Variants in CEP128 observed in about 807,000 individuals in gnomAD.
The protein encoded by CEP128 is centrosomal protein 128kDa.
CEP128 carries 132 observed loss-of-function variants against 156.7 expected under a neutral mutation model. The ratio of observed to expected loss-of-function variants is 0.84; its 90% CI spans 0.73 to 0.97. The LOEUF (loss-of-function observed/expected upper bound fraction) is 0.97. CEP128 is among the 50% of genes least tolerant of loss of function. CEP128 has a pLI of 0.00. For synonymous variants in CEP128, 469 were observed against 448.9 expected (o/e 1.04, Z -0.57); for missense variants, 1,252 against 1,281.9 (o/e 0.98, Z 0.36).
At chr14:80,795,377 G>C (rs1363709711) in intron 13 of CEP128, among the ~76,000 whole-genome samples, 1 of 152,144 alleles carries the variant, frequency 6.6e-6, no homozygotes, top group Non-Finnish European at 1.5e-5. Flanking sequence ...CCACTCCCTT[G>C]AGATTTCTTT....
chr14:80,599,916 C>G (rs1892510345), intron 19 of CEP128, among the ~76,000 whole-genome samples: 1 of 152,096 alleles, frequency 6.6e-6, no homozygotes, highest in Admixed American at 6.5e-5. Context: ...GGCTCAGTAG[C>G]AGATTTGAGC....
intron 20 of CEP128, among the ~76,000 whole-genome samples, chr14:80,577,088 A>T (rs964911615): frequency 6.6e-6 from 1 of 152,118 alleles, no homozygotes; most frequent in Non-Finnish European, 1.5e-5. Flanking sequence ...TAAACTTCAT[A>T]ACACTATATG....
chr14:80,947,510 TA>T (rs1307926961), intron 2 of CEP128, among the ~76,000 whole-genome samples: 1 of 152,150 alleles, frequency 6.6e-6, no homozygotes, highest in Non-Finnish European at 1.5e-5. Flanking sequence ...CAAAATTTAT[TA>T]AGATGTCAAA....
intron 16 of CEP128, among the ~76,000 whole-genome samples, chr14:80,773,617 A>C (rs1900633313): frequency 6.6e-6 from 1 of 152,190 alleles, no homozygotes. Context: ...GTGCAGATCC[A>C]TATAGATCAG....
intron 13 of CEP128, among the ~76,000 whole-genome samples, chr14:80,802,029 A>G (rs1007022132): frequency 1.3e-5 from 2 of 151,852 alleles, no homozygotes; most frequent in African/African-American, 2.4e-5. Context: ...TTAAAAAGTC[A>G]GGAAATAATA....
intron 19 of CEP128, among the ~76,000 whole-genome samples, chr14:80,638,278 C>T (rs950020938): frequency 3.3e-5 from 5 of 152,138 alleles, no homozygotes; most frequent in South Asian, 2.1e-4. Flanking sequence ...CTTTAGGCCA[C>T]GTAAAACTCT....
At chr14:80,554,898 T>G (rs1163490346) in intron 21 of CEP128, among the ~76,000 whole-genome samples, 1 of 152,108 alleles carries the variant, frequency 6.6e-6, no homozygotes, top group Non-Finnish European at 1.5e-5. Flanking sequence ...AGCTCATTAA[T>G]TTTTATCCCT....
At chr14:80,782,038 T>C (rs1901150244) in intron 15 of CEP128, among the ~76,000 whole-genome samples, 1 of 152,158 alleles carries the variant, frequency 6.6e-6, no homozygotes. Context: ...GCCATGCCAG[T>C]TTCTCCTAAC....
chr14:80,514,288 G>T (rs544615127), intron 23 of CEP128, among the ~76,000 whole-genome samples: 1 of 152,100 alleles, frequency 6.6e-6, no homozygotes, highest in African/African-American at 2.4e-5. Context: ...CCTCCTAAGG[G>T]CTGTGTCATG....
chr14:80,824,844 T>C (rs989235995), intron 13 of CEP128, among the ~76,000 whole-genome samples: 1 of 152,206 alleles, frequency 6.6e-6, no homozygotes, highest in Non-Finnish European at 1.5e-5. Context: ...AACATTTTTG[T>C]GTATCTATAG....
chr14:80,955,156 C>T (rs551425875), intron 2 of CEP128: 2 of 210,886 alleles, frequency 9.5e-6, no homozygotes, highest in East Asian at 1.1e-4. Context: ...TTCTGCAGGA[C>T]ATTGGTCCGC....
At chr14:80,662,147 AAC>A (rs1378416944) in intron 19 of CEP128, among the ~76,000 whole-genome samples, 2 of 152,170 alleles carry the variant, frequency 1.3e-5, no homozygotes, top group Non-Finnish European at 2.9e-5. Context: ...CATTTGTTGA[AAC>A]ACTGATGAAA....
intron 2 of CEP128, among the ~76,000 whole-genome samples, chr14:80,917,264 A>C (rs1292981177): frequency 6.6e-6 from 1 of 152,242 alleles, no homozygotes. Context: ...AATACATTAA[A>C]AAAAATTATT....
intron 19 of CEP128, among the ~76,000 whole-genome samples, chr14:80,655,166 A>G (rs1427726262): frequency 1.3e-5 from 2 of 152,150 alleles, no homozygotes; most frequent in African/African-American, 4.8e-5. Flanking sequence ...TGACTGTCAA[A>G]CCCAGGCAGT....
chr14:80,580,346 A>G, intron 20 of CEP128, 28 bp downstream of exon 20: 1 of 1,498,448 alleles, frequency 6.7e-7, no homozygotes, highest in Non-Finnish European at 9.3e-7. Flanking sequence ...TTTCATACCA[A>G]GCATGCTTGC....
intron 16 of CEP128, among the ~76,000 whole-genome samples, chr14:80,766,438 C>G (rs1900244478): frequency 6.6e-6 from 1 of 152,116 alleles, no homozygotes; most frequent in South Asian, 2.1e-4. Context: ...ATGCTCTTTA[C>G]AACTCAGAGC....
Position 80,656,291 on chromosome 14 carries a change from TTATATATATATATATATATATATATA to T in CEP128, c.2807-75894_2807-75869del, listed in dbSNP as rs1159139132. ...CCTAAGTTTTTATTTATATATATAT[TTATATATATATATATATATATATATA>T]TATATATATATATATATATATATAG... On this transcript the variant is annotated intron_variant, in intron 19 of 24. Coordinates refer to ENST00000555265, the MANE Select transcript of CEP128 (RefSeq NM_152446.5). Among the ~76,000 whole-genome samples, 17 of 25,704 alleles carry T rather than the reference TTATATATATATATATATATATATATA, an allele frequency of 6.6e-4. 3 individuals carry two copies. The highest frequency in any genetic ancestry group is 3.0e-3 in the East Asian group (2 of 656). The allele number at this position is 25,704 out of a possible 152,430, so 16.9% of individuals were successfully genotyped here.
Position 80,887,962 on chromosome 14 carries a change from A to G in CEP128, c.645+7756T>C, listed in dbSNP as rs1049183732. Among the ~76,000 whole-genome samples, 4 of 152,192 alleles carry G rather than the reference A, an allele frequency of 2.6e-5. No homozygotes were observed. In the East Asian group the frequency reaches 7.7e-4, roughly 29 times the overall value. On this transcript the variant is annotated intron_variant, in intron 8 of 24. Coordinates refer to ENST00000555265, the MANE Select transcript of CEP128 (RefSeq NM_152446.5). ...TAAAAGGGGTATCACCACTGATCCCACAGAAATACACACTACCATCAGAGA... is the reference window on the plus strand; with the variant it reads ...TAAAAGGGGTATCACCACTGATCCCGCAGAAATACACACTACCATCAGAGA...
At chr14:80,514,036 T>C (rs998721812) in intron 23 of CEP128, among the ~76,000 whole-genome samples, 5 of 152,230 alleles carry the variant, frequency 3.3e-5, no homozygotes, top group African/African-American at 1.2e-4. Flanking sequence ...CAAAAAGACC[T>C]TGGTCTCCAC....
Sources: gnomAD v4.1 joint callset for allele counts (sites outside exome capture counted in the v4.1 genomes callset) on GRCh38, gnomAD v4.1.1 for gene constraint, MANE v1.5 for transcripts, NCBI Gene and HGNC (gene_info 2026-07-23, HGNC 2026-07-21) for gene names.